OR11A1: variants seen among roughly 807,000 people sequenced by gnomAD.
OR11A1 encodes the protein olfactory receptor family 11 subfamily A member 1, also known as olfactory receptor 11A1.
For synonymous variants in OR11A1, 158 were observed against 152.2 expected (o/e 1.04, Z -0.28); for missense variants, 380 against 378.2 (o/e 1.00, Z -0.04).
rs533583236 is a variant in OR11A1, at chr6:29,444,101, G to A, written c.-388-12114C>T. On this transcript the variant is annotated intron_variant, in intron 1 of 4. Coordinates refer to ENST00000377149, the MANE Select transcript of OR11A1 (RefSeq NM_001394828.1). Reference sequence around the variant, plus strand: ...TCCCATGTGTTGTGGGAGGGACCTGGTGAGAGATGATTGAATTATGGGGGT... The same window carrying A: ...TCCCATGTGTTGTGGGAGGGACCTGATGAGAGATGATTGAATTATGGGGGT... 6.1e-4 allele frequency among the ~76,000 whole-genome samples: 93 copies of A among 152,276 alleles called. 1 individual carries two copies. The highest frequency in any genetic ancestry group is 2.2e-3 in the African/African-American group (91 of 41,552).
At chr6:29,444,289 C>T (rs1027669697) in intron 1 of OR11A1, among the ~76,000 whole-genome samples, 2 of 152,206 alleles carry the variant, frequency 1.3e-5, no homozygotes, top group Non-Finnish European at 2.9e-5. Context: ...GAGGCCTCCC[C>T]AGTCATGTGG....
At chr6:29,449,396 C>T (rs1257814777) in intron 1 of OR11A1, among the ~76,000 whole-genome samples, 1 of 152,150 alleles carries the variant, frequency 6.6e-6, no homozygotes, top group Non-Finnish European at 1.5e-5. Flanking sequence ...TAATCCTATA[C>T]TAAATGATAC....
intron 1 of OR11A1, among the ~76,000 whole-genome samples, chr6:29,438,414 C>T (rs1328667240): frequency 6.7e-6 from 1 of 148,230 alleles, no homozygotes; most frequent in East Asian, 1.9e-4. Context: ...TCAATAAAAC[C>T]TGCAAGGGAC....
chr6:29,428,242 T>C (rs1427621275), intron 4 of OR11A1: 2 of 985,566 alleles, frequency 2.0e-6, no homozygotes, highest in Non-Finnish European at 2.4e-6. Context: ...TTCTTATATA[T>C]TCTTCACTTA....
Position 29,435,970 on chromosome 6 carries a change from C to T in OR11A1, c.-388-3983G>A, listed in dbSNP as rs1336521293. Reference sequence around the variant, plus strand: ...TCTAAAAATATATTAACACAATGTCCGGTTGAAAAGAAAGTTCCAAACATT... The same window carrying T: ...TCTAAAAATATATTAACACAATGTCTGGTTGAAAAGAAAGTTCCAAACATT... On this transcript the variant is annotated intron_variant, in intron 1 of 4. Transcript: ENST00000377149. 2.6e-5 allele frequency among the ~76,000 whole-genome samples: 4 copies of T among 152,314 alleles called. No individual in the cohort carries two copies. The South Asian group carries it at 6.2e-4, about 24-fold the overall frequency.
intron 1 of OR11A1, among the ~76,000 whole-genome samples, chr6:29,434,745 A>C (rs1367527951): frequency 6.6e-6 from 1 of 152,238 alleles, no homozygotes; most frequent in Non-Finnish European, 1.5e-5. Flanking sequence ...CCATGGATAA[A>C]GACAAGGATC....
chr6:29,453,302 G>GA lies in OR11A1; in HGVS notation c.-389+3684dup. On this transcript the variant is annotated intron_variant, in intron 1 of 4. Coordinates refer to ENST00000377149, the MANE Select transcript of OR11A1 (RefSeq NM_001394828.1). The surrounding 1 kb of genome is among the most constrained non-coding windows in gnomAD (Gnocchi z 4.5). ...ACCTCACAAATAAATTATAAAACCA[G>GA]AAAAATTGTCAAAAACAATCATTTC... Among the ~76,000 whole-genome samples, 1 of 151,872 alleles carries GA rather than the reference G, an allele frequency of 6.6e-6. No individual in the cohort carries two copies. Among genetic ancestry groups the GA allele is most frequent in the Middle Eastern group, 3.4e-3 (1 of 292 alleles).
chr6:29,433,382 T>C (rs1374449461), intron 1 of OR11A1, among the ~76,000 whole-genome samples: 2 of 152,194 alleles, frequency 1.3e-5, no homozygotes, highest in Non-Finnish European at 2.9e-5. Flanking sequence ...ATTCTCTGTT[T>C]CTGTGAGTTT....
In OR11A1 at chr6:29,427,648, C is replaced by T. The variant is rs112531151; in HGVS notation, c.-7G>A. On this transcript the variant is annotated 5_prime_UTR_variant, in exon 5 of 5. Coordinates refer to ENST00000377149, the MANE Select transcript of OR11A1 (RefSeq NM_001394828.1). The stretch of plus-strand genomic sequence containing the variant: ...CTGTGGAGACAATTTCCATGTCGAT[C>T]GTCCAAGTTTCTGCTTGGCAATAAT... 9 of 1,596,778 alleles carry T rather than the reference C, an allele frequency of 5.6e-6. No individual in the cohort carries two copies. Among genetic ancestry groups the T allele is most frequent in the African/African-American group, 5.4e-5 (4 of 74,488 alleles).
chr6:29,440,450 G>A, intron 1 of OR11A1: 1 of 1,614,062 alleles, frequency 6.2e-7, no homozygotes, highest in Non-Finnish European at 8.5e-7. Context: ...AGCTAGCTGG[G>A]TCGGCGTGGG....
intron 1 of OR11A1, among the ~76,000 whole-genome samples, chr6:29,444,608 G>T (rs1183809799): frequency 6.6e-6 from 1 of 152,146 alleles, no homozygotes; most frequent in African/African-American, 2.4e-5. Flanking sequence ...CTCTCACAAA[G>T]AACCAGAAGG....
chr6:29,449,829 GT>G (rs1308247753), intron 1 of OR11A1, among the ~76,000 whole-genome samples: 2 of 152,204 alleles, frequency 1.3e-5, no homozygotes, highest in East Asian at 3.9e-4. Context: ...TAGAGATGGG[GT>G]TTTTCCATGT....
intron 1 of OR11A1, among the ~76,000 whole-genome samples, chr6:29,441,920 G>GT (rs1345029311): frequency 6.6e-6 from 1 of 151,966 alleles, no homozygotes; most frequent in Non-Finnish European, 1.5e-5. Flanking sequence ...TAATCTGTTT[G>GT]TTTTTTGTTT....
intron 1 of OR11A1, among the ~76,000 whole-genome samples, chr6:29,432,330 T>C (rs1436393149): frequency 6.6e-6 from 1 of 152,160 alleles, no homozygotes; most frequent in African/African-American, 2.4e-5. Flanking sequence ...TTCCATCCCC[T>C]TGGGGACAAA....
chr6:29,452,915 A>G (rs1266545243), intron 1 of OR11A1, among the ~76,000 whole-genome samples: 1 of 152,024 alleles, frequency 6.6e-6, no homozygotes, highest in Non-Finnish European at 1.5e-5. Flanking sequence ...AAGTCTAAAA[A>G]TAATGATAAT....
intron 1 of OR11A1, among the ~76,000 whole-genome samples, chr6:29,446,132 C>A (rs377678965): frequency 5.9e-5 from 9 of 152,114 alleles, no homozygotes; most frequent in African/African-American, 1.9e-4. Flanking sequence ...TTTGGCTAAC[C>A]CTTTACACTT....
chr6:29,430,428 G>T lies in OR11A1; in HGVS notation c.-264-3C>A. 1 of 985,336 alleles carries T rather than the reference G, an allele frequency of 1.0e-6. No individual in the cohort carries two copies. Among genetic ancestry groups the T allele is most frequent in the Non-Finnish European group, 1.2e-6 (1 of 829,906 alleles). 61.0% of individuals were successfully genotyped at this position (985,336 alleles called of 1,614,324 possible). ...CTTGGAGTCTTTCTATAGGATTCCTGCCAGGAGAGAGGTGAGCATGTAAAT... is the reference window on the plus strand; with the variant it reads ...CTTGGAGTCTTTCTATAGGATTCCTTCCAGGAGAGAGGTGAGCATGTAAAT... On this transcript the variant is annotated splice_region_variant and splice_polypyrimidine_tract_variant and intron_variant, in intron 2 of 4. Coordinates refer to ENST00000377149, the MANE Select transcript of OR11A1 (RefSeq NM_001394828.1).
intron 1 of OR11A1, among the ~76,000 whole-genome samples, chr6:29,447,458 A>G (rs1316135659): frequency 1.3e-5 from 2 of 152,218 alleles, no homozygotes; most frequent in East Asian, 1.9e-4. Flanking sequence ...ATTGATGCCA[A>G]TTTGGAATTT....
At position 29,457,005 on chromosome 6, in the gene OR11A1, G is replaced by A; in HGVS notation, c.-407C>T. 1 of 152,178 alleles carries A rather than the reference G, an allele frequency of 6.6e-6. No homozygotes were observed. Among genetic ancestry groups the A allele is most frequent in the African/African-American group, 2.4e-5 (1 of 41,448 alleles). 9.4% of individuals were successfully genotyped at this position (152,178 alleles called of 1,614,324 possible). A position where few individuals can be genotyped will look rare whatever the true frequency, so the allele number is the denominator to read the frequency against. On this transcript the variant is annotated 5_prime_UTR_variant, in exon 1 of 5. Transcript: ENST00000377149. ...CACTTACAAGATGTCCCAGTCACATGTTGCACGTTTTTAGTAGGGAGCCTT... is the reference window on the plus strand; with the variant it reads ...CACTTACAAGATGTCCCAGTCACATATTGCACGTTTTTAGTAGGGAGCCTT...
Sources: gnomAD v4.1 joint callset for allele counts (sites outside exome capture counted in the v4.1 genomes callset) on GRCh38, gnomAD v4.1.1 for gene constraint, Gnocchi (gnomAD v3.1) non-coding constraint, MANE v1.5 for transcripts, NCBI Gene and HGNC (gene_info 2026-07-23, HGNC 2026-07-21) for gene names.